The following HS6ST2 variants were observed in gnomAD, a reference collection of about 807,000 sequenced individuals.
HS6ST2 encodes the protein heparan-sulfate 6-O-sulfotransferase 2.
HS6ST2 carries 17 observed loss-of-function variants against 33.0 expected under a neutral mutation model. That is an observed-to-expected ratio of 0.52 (90% CI 0.35 to 0.77). HS6ST2 has a LOEUF of 0.77. HS6ST2 is among the 30% of genes least tolerant of loss of function. The probability of loss-of-function intolerance (pLI) is 0.01; values close to 1 mark genes in which losing one functional copy is unlikely to be tolerated. For synonymous variants in HS6ST2, 248 were observed against 237.1 expected, an observed-to-expected ratio of 1.05 and a Z score of -0.42; for missense variants, 519 against 551.7, an observed-to-expected ratio of 0.94 and a Z score of 0.59.
chrX:132,961,065 A>G (rs933896724), upstream of HS6ST2, among the ~76,000 whole-genome samples: 6 of 107,328 alleles, frequency 5.6e-5, no homozygotes, highest in African/African-American at 2.1e-4. Context: ...CCTCTCAGGC[A>G]GTGAATGACA....
intron 2 of HS6ST2, among the ~76,000 whole-genome samples, chrX:132,945,497 A>T (rs1238623878): frequency 9.0e-6 from 1 of 111,300 alleles, no homozygotes; most frequent in African/African-American, 3.3e-5. Flanking sequence ...CAGCCATCCC[A>T]TTACTGGGTA....
chrX:132,677,129 A>G (rs192397174), intron 3 of HS6ST2, among the ~76,000 whole-genome samples: 1 of 112,443 alleles, frequency 8.9e-6, no homozygotes, highest in African/African-American at 3.2e-5. Flanking sequence ...GTTGGTGAAC[A>G]TTACACATTA....
intron 2 of HS6ST2, among the ~76,000 whole-genome samples, chrX:132,753,739 T>C (rs1431181196): frequency 8.9e-6 from 1 of 112,141 alleles, no homozygotes; most frequent in Non-Finnish European, 1.9e-5. Flanking sequence ...AAATGTATTT[T>C]GCACTCAGAC....
chrX:132,868,622 A>T (rs945549943), intron 2 of HS6ST2, among the ~76,000 whole-genome samples: 6 of 112,285 alleles, frequency 5.3e-5, no homozygotes, highest in African/African-American at 1.9e-4. Context: ...CAGGATTAAG[A>T]ACCTTACTCA....
chrX:132,818,207 C>T lies in HS6ST2; in HGVS notation c.948-109713G>A, dbSNP rs189153015. Among the ~76,000 whole-genome samples, 97 of 111,219 alleles carry T rather than the reference C, an allele frequency of 8.7e-4. 1 individual carries two copies. The highest frequency in any genetic ancestry group is 3.0e-3 in the African/African-American group (93 of 30,630). On this transcript the variant is annotated intron_variant, in intron 2 of 4. Coordinates refer to ENST00000370833, the MANE Select transcript of HS6ST2 (RefSeq NM_001394073.1). ...GTTGTACTGTGTGACACTCTTTCGG[C>T]TTTCAAGAGAGACGATGCAAGAGAG...
At chrX:132,746,363 C>T (rs2064643573) in intron 2 of HS6ST2, among the ~76,000 whole-genome samples, 2 of 110,275 alleles carry the variant, frequency 1.8e-5, no homozygotes, top group East Asian at 2.9e-4. Flanking sequence ...ATTAGCCGGG[C>T]GTGGTGGCGG....
chrX:132,885,538 G>A (rs747901627), intron 2 of HS6ST2, among the ~76,000 whole-genome samples: 1 of 111,613 alleles, frequency 9.0e-6, no homozygotes, highest in African/African-American at 3.2e-5. Flanking sequence ...AAAAGCCTTT[G>A]GTACAACTGC....
intron 4 of HS6ST2, among the ~76,000 whole-genome samples, chrX:132,632,728 A>C (rs1362502505): frequency 2.7e-5 from 3 of 110,575 alleles, no homozygotes; most frequent in Non-Finnish European, 5.7e-5. Context: ...ACTGATTTCT[A>C]ACCTAGCCTA....
intron 2 of HS6ST2, among the ~76,000 whole-genome samples, chrX:132,730,377 A>G (rs2064445153): frequency 8.9e-6 from 1 of 112,045 alleles, no homozygotes; most frequent in Admixed American, 9.4e-5. Flanking sequence ...GCGACAAGGA[A>G]AGAAAAGCAG....
intron 2 of HS6ST2, among the ~76,000 whole-genome samples, chrX:132,869,468 G>T (rs751350981): frequency 1.3e-4 from 14 of 111,728 alleles, no homozygotes; most frequent in Admixed American, 1.1e-3. Context: ...AACAAAAAAA[G>T]AAAATTTCAG....
chrX:132,663,437 A>T (rs2063788072), intron 4 of HS6ST2, among the ~76,000 whole-genome samples: 1 of 112,396 alleles, frequency 8.9e-6, no homozygotes. Context: ...GCTATAAATG[A>T]ATTCATCCTT....
intron 2 of HS6ST2, among the ~76,000 whole-genome samples, chrX:132,798,354 G>A (rs747768565): frequency 1.8e-5 from 2 of 111,264 alleles, no homozygotes; most frequent in Non-Finnish European, 3.8e-5. Context: ...GGACCTCCTG[G>A]GGTCACTCAG....
At chrX:132,936,052 G>A (rs2066819685) in intron 2 of HS6ST2, among the ~76,000 whole-genome samples, 1 of 76,400 alleles carries the variant, frequency 1.3e-5, no homozygotes, top group African/African-American at 4.9e-5. Context: ...AAACAAAAAT[G>A]GATTCTTTGA....
intron 4 of HS6ST2, among the ~76,000 whole-genome samples, chrX:132,647,267 A>ATCTTTT (rs1442929687): frequency 9.1e-6 from 1 of 109,523 alleles, no homozygotes; most frequent in African/African-American, 3.3e-5. Flanking sequence ...TTCTCTCTTC[A>ATCTTTT]TCTTTTTTTC....
chrX:132,709,250 G>C (rs750538733), intron 2 of HS6ST2, among the ~76,000 whole-genome samples: 167 of 112,231 alleles, frequency 1.5e-3, no homozygotes, highest in African/African-American at 5.2e-3. Context: ...GGTTCAAATG[G>C]GCTCAGTTAG....
intron 3 of HS6ST2, among the ~76,000 whole-genome samples, chrX:132,682,449 C>A (rs992100037): frequency 9.0e-6 from 1 of 111,472 alleles, no homozygotes; most frequent in East Asian, 2.8e-4. Context: ...TATAAGGGAA[C>A]AAGATAGTAT....
chrX:132,864,975 A>AT (rs764448558), intron 2 of HS6ST2, among the ~76,000 whole-genome samples: 30 of 110,555 alleles, frequency 2.7e-4, no homozygotes, highest in Admixed American at 2.6e-3. Context: ...AAAGAAAACA[A>AT]TTTTTTTTAT....
chrX:132,935,875 T>G, intron 2 of HS6ST2, among the ~76,000 whole-genome samples: 1 of 109,643 alleles, frequency 9.1e-6, no homozygotes, highest in Non-Finnish European at 1.9e-5. Flanking sequence ...TTTTTGAAAA[T>G]ATAGGCATTT....
intron 4 of HS6ST2, among the ~76,000 whole-genome samples, chrX:132,643,646 A>C (rs1394785153): frequency 9.0e-6 from 1 of 111,531 alleles, no homozygotes; most frequent in African/African-American, 3.3e-5. Context: ...CCCAAAACCA[A>C]GTCTCTGACT....
Sources: gnomAD v4.1 joint callset for allele counts (sites outside exome capture counted in the v4.1 genomes callset) on GRCh38, gnomAD v4.1.1 for gene constraint, MANE v1.5 for transcripts, NCBI Gene and HGNC (gene_info 2026-07-23, HGNC 2026-07-21) for gene names.